DPEP1: variants seen among roughly 807,000 people sequenced by gnomAD.
DPEP1 encodes the protein dipeptidase 1, also known as beta-lactamase.
A neutral mutation model predicts 42.3 loss-of-function variants in DPEP1; 50 were observed. The observed-to-expected ratio is 1.18, with a 90% CI of 0.94 to 1.50. DPEP1 has a LOEUF of 1.50. DPEP1 is among the 40% of genes most tolerant of loss of function. DPEP1 has a pLI of 0.00. For missense variants in DPEP1, 663 were observed against 553.0 expected (o/e 1.20, Z -1.99); for synonymous variants, 297 against 234.0 (o/e 1.27, Z -2.46).
intron 1 of DPEP1, among the ~76,000 whole-genome samples, chr16:89,625,729 G>C (rs1185535031): frequency 1.3e-5 from 2 of 152,198 alleles, no homozygotes; most frequent in African/African-American, 4.8e-5. Context: ...GGAAAAGACA[G>C]GTGTAAGGTG....
chr16:89,617,321 C>T (rs1047243366), intron 1 of DPEP1, among the ~76,000 whole-genome samples: 1 of 152,094 alleles, frequency 6.6e-6, no homozygotes, highest in Admixed American at 6.5e-5. Flanking sequence ...AGGCCCAGGG[C>T]CCTGAGAGGT....
chr16:89,634,575 T>G (rs1347588522), intron 2 of DPEP1, among the ~76,000 whole-genome samples: 1 of 108,674 alleles, frequency 9.2e-6, no homozygotes, highest in African/African-American at 4.0e-5. Flanking sequence ...TTCCTTCTCC[T>G]TTCCCCTTCC....
Position 89,637,217 on chromosome 16 carries a change from A to G in DPEP1, c.605A>G (p.Glu202Gly), listed in dbSNP as rs1222590894. 1.9e-6 allele frequency: 3 copies of G among 1,612,296 alleles called. No individual in the cohort carries two copies. The highest frequency in any genetic ancestry group is 4.5e-5 in the East Asian group (2 of 44,880). The change falls in exon 7 of 11, where the codon GAG becomes GGG. Residue 202 changes from glutamate to glycine, a missense_variant. By Grantham distance (98) the Glu-to-Gly change is moderately conservative. Coordinates refer to ENST00000690203, the MANE Select transcript of DPEP1 (RefSeq NM_001389466.1). ...CTGTCTTCCCAGCGTGTGGTGAAGGAGCTGAACCGTCTGGGGGTCCTCATC... is the reference window on the plus strand; with the variant it reads ...CTGTCTTCCCAGCGTGTGGTGAAGGGGCTGAACCGTCTGGGGGTCCTCATC... Reference protein sequence around the residue: ...LSPFGQRVVKELNRLGVLIDL... With the variant: ...LSPFGQRVVKGLNRLGVLIDL...
At chr16:89,622,439 G>A (rs2059456096) in intron 1 of DPEP1, among the ~76,000 whole-genome samples, 1 of 152,178 alleles carries the variant, frequency 6.6e-6, no homozygotes, top group Non-Finnish European at 1.5e-5. Flanking sequence ...TAAGGCACAA[G>A]CATTTCCTCC....
rs775262071 is a variant in DPEP1 at position 89,637,354 on chromosome 16, G to T, written c.742G>T (p.Val248Leu). The T allele has an allele frequency of 6.2e-7, 1 of 1,612,172 alleles. No homozygotes were observed. The highest frequency in any genetic ancestry group is 8.5e-7 in the Non-Finnish European group (1 of 1,179,946). ...CAGCGTGTGCGCAAGCCGGCGCAAC[G>T]TGCCTGACGACGTCCTGAGGCTGGT... is the stretch of plus-strand genomic sequence containing the variant. ...AYSVCASRRN[V>L]PDDVLRLVKQ... The change falls in exon 7 of 11, where the codon GTG (valine) becomes TTG (leucine). Residue 248 changes from valine to leucine, a missense_variant. By Grantham distance (32) the Val-to-Leu change is conservative. Coordinates refer to ENST00000690203, the MANE Select transcript of DPEP1 (RefSeq NM_001389466.1).
At chr16:89,633,797 G>GGAGCTGTCCTCAAGGAAAGCACCA (rs1212413818) in intron 2 of DPEP1, among the ~76,000 whole-genome samples, 242 of 151,542 alleles carry the variant, frequency 1.6e-3, no homozygotes, top group Middle Eastern at 3.4e-3. Context: ...GAGGCACAGG[G>GGAGCTGTCCTCAAGGAAAGCACCA]ATGGGTCTGG....
At chr16:89,636,455 A>G in intron 4 of DPEP1, 59 bp downstream of exon 4, 1 of 1,596,388 alleles carries the variant, frequency 6.3e-7, no homozygotes, top group Non-Finnish European at 8.5e-7. Flanking sequence ...CCTCATCCTG[A>G]GCAGCAGGTG....
In DPEP1 at chr16:89,636,057, CT is replaced by C; in HGVS notation, c.237+19del. The C allele has an allele frequency of 6.3e-7, 1 of 1,598,408 alleles. No homozygotes were observed. The highest frequency in any genetic ancestry group is 8.5e-7 in the Non-Finnish European group (1 of 1,172,824). On this transcript the variant is annotated intron_variant, in intron 3 of 10. Coordinates refer to ENST00000690203, the MANE Select transcript of DPEP1 (RefSeq NM_001389466.1). ...GGAGGCCAGGTACCGCCTGCCCTGCCTTGTGCTTGCCCTGTGTGGGGTCATC... is the reference window on the plus strand; with the variant it reads ...GGAGGCCAGGTACCGCCTGCCCTGCCTGTGCTTGCCCTGTGTGGGGTCATC...
At chr16:89,623,007 G>A (rs1372816020) in intron 1 of DPEP1, among the ~76,000 whole-genome samples, 5 of 152,114 alleles carry the variant, frequency 3.3e-5, no homozygotes, top group Non-Finnish European at 7.4e-5. Context: ...TGAGGAAGAC[G>A]CTGAGGTCGG....
chr16:89,624,725 G>C (rs1169958055), intron 1 of DPEP1, among the ~76,000 whole-genome samples: 1 of 152,022 alleles, frequency 6.6e-6, no homozygotes, highest in Non-Finnish European at 1.5e-5. Context: ...AGTTGAGACG[G>C]GGTTTTTCTT....
Position 89,636,655 on chromosome 16 carries a change from A to G in DPEP1, c.493A>G (p.Thr165Ala). 1 of 1,612,362 alleles carries G rather than the reference A, an allele frequency of 6.2e-7. No individual in the cohort carries two copies. Among genetic ancestry groups the G allele is most frequent in the East Asian group, 2.2e-5 (1 of 44,856 alleles). ...ALYQLGMRYL[T>A]LTHSCNTPWA... ...CTATCAGCTGGGCATGCGGTACCTG[A>G]CCCTCACCCACAGCTGCAACACGCC... The change falls in exon 5 of 11, where the codon ACC (threonine) becomes GCC (alanine). Residue 165 changes from threonine to alanine, a missense_variant. Thr to Ala is a moderately conservative substitution (Grantham distance 58). Coordinates refer to ENST00000690203, the MANE Select transcript of DPEP1 (RefSeq NM_001389466.1).
chr16:89,635,873 C>A, intron 2 of DPEP1, 35 bp from the exon 3 acceptor site: 4 of 1,562,688 alleles, frequency 2.6e-6, no homozygotes, highest in Non-Finnish European at 3.5e-6. Context: ...CCAGTGGCCG[C>A]CCTGACTGCC....
At chr16:89,636,228 G>A in intron 3 of DPEP1, 36 bp from the exon 4 acceptor site, 1 of 1,586,116 alleles carries the variant, frequency 6.3e-7, no homozygotes. Context: ...CTGAGACCTG[G>A]CTGCATCAGC....
At chr16:89,613,834 G>C in intron 1 of DPEP1, 115 bp downstream of exon 1, 1 of 165,432 alleles carries the variant, frequency 6.0e-6, no homozygotes, top group South Asian at 1.3e-4. Flanking sequence ...GGCGTGCGGG[G>C]CAGGGGACGC....
intron 2 of DPEP1, among the ~76,000 whole-genome samples, chr16:89,634,294 A>G (rs963324121): frequency 7.9e-5 from 12 of 151,904 alleles, no homozygotes; most frequent in Admixed American, 1.3e-4. Context: ...TCACCATGTT[A>G]GCCAGGATGA....
At chr16:89,636,459 G>A (rs558123031) in intron 4 of DPEP1, 63 bp downstream of exon 4, 3 of 1,595,656 alleles carry the variant, frequency 1.9e-6, no homozygotes, top group East Asian at 4.5e-5. Flanking sequence ...ATCCTGAGCA[G>A]CAGGTGCCGG....
intron 1 of DPEP1, among the ~76,000 whole-genome samples, chr16:89,615,690 G>T (rs1426582395): frequency 6.6e-6 from 1 of 152,208 alleles, no homozygotes; most frequent in Non-Finnish European, 1.5e-5. Context: ...AGGACCCCGC[G>T]AGGCCCCGGT....
At chr16:89,623,461 C>T (rs2059470053) in intron 1 of DPEP1, among the ~76,000 whole-genome samples, 1 of 152,072 alleles carries the variant, frequency 6.6e-6, no homozygotes, top group Non-Finnish European at 1.5e-5. Flanking sequence ...CAAAGATTGC[C>T]CGCTGCCAAG....
At chr16:89,626,718 A>G (rs1212275471) in intron 1 of DPEP1, among the ~76,000 whole-genome samples, 1 of 149,892 alleles carries the variant, frequency 6.7e-6, no homozygotes, top group African/African-American at 2.4e-5. Flanking sequence ...GCTGCCATTT[A>G]AGACATGCCT....
Sources: allele counts gnomAD v4.1 joint callset (sites outside exome capture counted in the v4.1 genomes callset), GRCh38; gene constraint gnomAD v4.1.1; transcripts MANE v1.5; gene names NCBI Gene and HGNC (gene_info 2026-07-23, HGNC 2026-07-21).